Variants in SLC4A4 observed in about 807,000 individuals in gnomAD.
The protein encoded by SLC4A4 is electrogenic sodium bicarbonate cotransporter 1.
SLC4A4 carries 27 observed loss-of-function variants against 111.5 expected under a neutral mutation model. The ratio of observed to expected loss-of-function variants is 0.24; its 90% confidence interval spans 0.18 to 0.33. The LOEUF is 0.33. Ranked by LOEUF, SLC4A4 falls within the 10% of genes least tolerant of loss-of-function variation. The pLI is 1.00. For synonymous variants in SLC4A4, 443 were observed against 463.4 expected (o/e 0.96, Z 0.57); for missense variants, 909 against 1,315.5 (o/e 0.69, Z 4.78).
chr4:71,246,477 G>C (rs1560809924), intron 2 of SLC4A4, among the ~76,000 whole-genome samples: 1 of 152,150 alleles, frequency 6.6e-6, no homozygotes, highest in African/African-American at 2.4e-5. Context: ...AGGAATAAAA[G>C]GTGTTGAAAG....
intron 1 of SLC4A4, among the ~76,000 whole-genome samples, chr4:71,078,282 AT>A (rs1022549180): frequency 2.0e-5 from 3 of 151,680 alleles, no homozygotes; most frequent in South Asian, 2.1e-4. Context: ...TAGATGACAG[AT>A]TTTTTTTTCC....
chr4:71,238,006 A>C (rs985069482), intron 2 of SLC4A4, among the ~76,000 whole-genome samples: 6 of 152,240 alleles, frequency 3.9e-5, no homozygotes, highest in African/African-American at 1.4e-4. Context: ...ATGTTAAATC[A>C]TCATTTTAGT....
At chr4:71,303,801 TCCTC>T (rs925243811) in intron 3 of SLC4A4, among the ~76,000 whole-genome samples, 32 of 151,872 alleles carry the variant, frequency 2.1e-4, no homozygotes, top group African/African-American at 7.5e-4. Flanking sequence ...TTCCCTCCCT[TCCTC>T]CCTCCCTCCG....
chr4:71,191,039 G>A (rs1745710637), intron 1 of SLC4A4, among the ~76,000 whole-genome samples: 1 of 152,184 alleles, frequency 6.6e-6, no homozygotes, highest in African/African-American at 2.4e-5. Flanking sequence ...TTAATTACAT[G>A]AGCTATCCAA....
At chr4:71,096,238 C>A (rs1742546566) in intron 2 of SLC4A4, among the ~76,000 whole-genome samples, 1 of 152,066 alleles carries the variant, frequency 6.6e-6, no homozygotes, top group Non-Finnish European at 1.5e-5. Context: ...AAATTCTCTG[C>A]ATAGGGTGGC....
intron 6 of SLC4A4, among the ~76,000 whole-genome samples, chr4:71,391,361 G>A (rs1398698096): frequency 2.6e-5 from 4 of 151,976 alleles, no homozygotes; most frequent in African/African-American, 4.8e-5. Context: ...GAGGTGAGGA[G>A]GACGTTTATG....
intron 16 of SLC4A4, among the ~76,000 whole-genome samples, chr4:71,530,724 A>G (rs1352709014): frequency 6.6e-6 from 1 of 152,128 alleles, no homozygotes; most frequent in African/African-American, 2.4e-5. Flanking sequence ...AGCATTGAAC[A>G]CTAGGGCTTT....
intron 2 of SLC4A4, among the ~76,000 whole-genome samples, chr4:71,241,677 G>T (rs2149043717): frequency 6.6e-6 from 1 of 152,288 alleles, no homozygotes; most frequent in African/African-American, 2.4e-5. Context: ...CCTCTTCTCT[G>T]CTGTTCACTC....
intron 1 of SLC4A4, among the ~76,000 whole-genome samples, chr4:71,089,112 C>G (rs181055475): frequency 6.6e-6 from 1 of 151,922 alleles, no homozygotes; most frequent in African/African-American, 2.4e-5. Context: ...TCCTTTTATT[C>G]TTTTTTCTCT....
intron 1 of SLC4A4, among the ~76,000 whole-genome samples, chr4:71,222,880 A>G (rs148433958): frequency 3.1e-4 from 47 of 152,334 alleles, no homozygotes; most frequent in African/African-American, 1.1e-3. Flanking sequence ...TGTGATTTCA[A>G]CTATTTGCTA....
chr4:71,373,584 G>A (rs1732077086), intron 6 of SLC4A4, among the ~76,000 whole-genome samples: 1 of 152,150 alleles, frequency 6.6e-6, no homozygotes, highest in Admixed American at 6.5e-5. Context: ...AAAGGGCATG[G>A]GAAGAAGATG....
intron 2 of SLC4A4, among the ~76,000 whole-genome samples, chr4:71,181,071 T>C (rs968541524): frequency 1.5e-4 from 23 of 151,900 alleles, no homozygotes; most frequent in African/African-American, 4.6e-4. Flanking sequence ...TGTAGGGACA[T>C]GGATGAAGCC....
At chr4:71,514,084 C>T (rs150900725) in intron 16 of SLC4A4, among the ~76,000 whole-genome samples, 21 of 152,156 alleles carry the variant, frequency 1.4e-4, no homozygotes, top group Middle Eastern at 3.4e-3. Flanking sequence ...GAAGTATTGA[C>T]CTGTATTTGT....
intron 2 of SLC4A4, among the ~76,000 whole-genome samples, chr4:71,125,497 T>C (rs1185024026): frequency 1.3e-5 from 2 of 152,154 alleles, no homozygotes; most frequent in African/African-American, 4.8e-5. Context: ...GAAGTGGAGA[T>C]TGCAGTGAGC....
intron 14 of SLC4A4, among the ~76,000 whole-genome samples, chr4:71,478,621 A>G (rs1728587213): frequency 6.6e-6 from 1 of 151,686 alleles, no homozygotes; most frequent in Admixed American, 6.6e-5. Flanking sequence ...GGTTGGGGGC[A>G]AGGGGAGGGA....
chr4:71,098,848 T>C (rs995311771), intron 2 of SLC4A4, among the ~76,000 whole-genome samples: 1 of 151,896 alleles, frequency 6.6e-6, no homozygotes, highest in Admixed American at 6.6e-5. Context: ...TAAACAAAGA[T>C]CAAAAAAGAG....
rs148695088 is a variant in SLC4A4, at chr4:71,259,473, G to A, written c.253+4074G>A. The stretch of plus-strand genomic sequence containing the variant: ...CAGAGAAGGAAACGTGTGTGAGAGC[G>A]TGGTGCACTGAGCCATGGGGAGAGA... On this transcript the variant is annotated intron_variant, in intron 3 of 25. Transcript: ENST00000264485. 1.6e-4 allele frequency among the ~76,000 whole-genome samples: 24 copies of A among 152,026 alleles called. No homozygotes were observed. In the East Asian group the frequency reaches 4.1e-3, roughly 26 times the overall value.
chr4:71,550,003 T>C (rs1459793480), intron 20 of SLC4A4, among the ~76,000 whole-genome samples: 1 of 151,934 alleles, frequency 6.6e-6, no homozygotes, highest in Admixed American at 6.6e-5. Flanking sequence ...CCTTCCTTAA[T>C]TGATCCATAC....
At chr4:71,338,020 A>G (rs1728572879) in intron 3 of SLC4A4, among the ~76,000 whole-genome samples, 1 of 151,896 alleles carries the variant, frequency 6.6e-6, no homozygotes, top group Non-Finnish European at 1.5e-5. Flanking sequence ...TTTAGTAGAA[A>G]CAGGGTTTCA....
Sources: gnomAD v4.1 joint callset for allele counts (sites outside exome capture counted in the v4.1 genomes callset) on GRCh38, gnomAD v4.1.1 for gene constraint, MANE v1.5 for transcripts, NCBI Gene and HGNC (gene_info 2026-07-23, HGNC 2026-07-21) for gene names.